MIEF1: variants seen among roughly 807,000 people sequenced by gnomAD.
MIEF1 encodes mitochondrial elongation factor 1, also known as mitochondrial dynamics protein MIEF1.
A neutral mutation model predicts 35.1 loss-of-function variants in MIEF1; 14 were observed. The ratio of observed to expected loss-of-function variants is 0.40; its 90% CI spans 0.26 to 0.62. MIEF1 has a LOEUF of 0.62. Among genes scored for constraint, MIEF1 ranks in the 20% least tolerant of loss-of-function variants. MIEF1 has a pLI of 0.43. For synonymous variants in MIEF1, 245 were observed against 254.3 expected (o/e 0.96, Z 0.35); for missense variants, 542 against 615.4 (o/e 0.88, Z 1.26).
At chr22:39,502,748 A>T (rs1929809421) in intron 1 of MIEF1, among the ~76,000 whole-genome samples, 1 of 152,228 alleles carries the variant, frequency 6.6e-6, no homozygotes, top group Non-Finnish European at 1.5e-5. Flanking sequence ...CCAGTCGCCC[A>T]GCGACCTTGT....
chr22:39,512,140 T>A, intron 4 of MIEF1, 92 bp from the exon 5 acceptor site: 2 of 1,560,074 alleles, frequency 1.3e-6, no homozygotes, highest in Non-Finnish European at 1.7e-6. Context: ...GCACTTGCCC[T>A]CCATGCCAGG....
Position 39,514,386 on chromosome 22 carries a change from G to C in MIEF1, c.*63G>C. On this transcript the variant is annotated 3_prime_UTR_variant, in exon 6 of 6. Transcript: ENST00000325301. ...CCTGGATTCTCCGTTAGATACACTT[G>C]GCTACCTAGTTGGTGCCTCACAGGG... 1.3e-6 allele frequency: 2 copies of C among 1,555,068 alleles called. No homozygotes were observed. Among genetic ancestry groups the C allele is most frequent in the South Asian group, 2.4e-5 (2 of 85,030 alleles).
rs1216087083 is a variant in MIEF1, at chr22:39,517,618, G to C, written c.*3295G>C. Reference sequence around the variant, plus strand: ...GAGCTCTCTGCCATGATACTTCCTTGGGACTGACTTGGCTGAGAACGTGTT... The same window carrying C: ...GAGCTCTCTGCCATGATACTTCCTTCGGACTGACTTGGCTGAGAACGTGTT... On this transcript the variant is annotated 3_prime_UTR_variant, in exon 6 of 6. Transcript: ENST00000325301. 8.5e-6 allele frequency: 4 copies of C among 471,002 alleles called. No homozygotes were observed. The highest frequency in any genetic ancestry group is 1.8e-5 in the Non-Finnish European group (4 of 227,028). 29.2% of individuals were successfully genotyped at this position (471,002 alleles called of 1,614,324 possible). A position where few individuals can be genotyped will look rare whatever the true frequency, so the allele number is the denominator to read the frequency against.
intron 2 of MIEF1, chr22:39,509,390 T>A (rs1219465494): frequency 6.6e-6 from 1 of 152,276 alleles, no homozygotes; most frequent in Non-Finnish European, 1.5e-5. Flanking sequence ...TATTCCGATC[T>A]GAATCACACT....
At chr22:39,511,245 T>C in intron 2 of MIEF1, 43 bp from the exon 3 acceptor site, 1 of 1,609,628 alleles carries the variant, frequency 6.2e-7, no homozygotes, top group African/African-American at 1.3e-5. Flanking sequence ...GGGAGGTTCT[T>C]GGGGTCCCAG....
In MIEF1 at chr22:39,515,589, G is replaced by A. The variant is rs1417670280; in HGVS notation, c.*1266G>A. On this transcript the variant is annotated 3_prime_UTR_variant, in exon 6 of 6. Transcript: ENST00000325301. ...GAGCACACAGATAAGACAGAGGGGA[G>A]GAGGTGGGCATTTCCTACATTCCTC... is the stretch of plus-strand genomic sequence containing the variant. The A allele has an allele frequency of 3.9e-6, 2 of 515,296 alleles. No homozygotes were observed. Among genetic ancestry groups the A allele is most frequent in the Non-Finnish European group, 3.4e-6 (1 of 291,574 alleles). 31.9% of individuals were successfully genotyped at this position (515,296 alleles called of 1,614,324 possible).
At position 39,514,055 on chromosome 22, in the gene MIEF1, C is replaced by T. The variant is rs749478962; in HGVS notation, c.1124C>T (p.Pro375Leu). The T allele has an allele frequency of 1.5e-5, 24 of 1,613,882 alleles. No homozygotes were observed. Among genetic ancestry groups the T allele is most frequent in the South Asian group, 8.8e-5 (8 of 91,094 alleles). ...KILKAICKST[P>L]ALGHLTASQL... ...CTCAAGGCCATATGCAAGTCCACCC[C>T]GGCTCTGGGCCACCTCACTGCCAGC... is the stretch of plus-strand genomic sequence containing the variant. Residue 375 changes from proline (P) to leucine (L), a missense_variant, in exon 6 of 6, where the codon CCG (proline) becomes CTG (leucine). Pro to Leu is a moderately conservative substitution (Grantham distance 98, BLOSUM62 -3). Transcript: ENST00000325301.
chr22:39,510,610 G>A (rs940176005), intron 2 of MIEF1, among the ~76,000 whole-genome samples: 1 of 152,202 alleles, frequency 6.6e-6, no homozygotes, highest in East Asian at 1.9e-4. Flanking sequence ...ACCTCCCTAT[G>A]TTGAGAACCT....
At position 39,517,869 on chromosome 22, in the gene MIEF1, T is replaced by C. The variant is rs1291271834; in HGVS notation, c.*3546T>C. ...TTGGATCACCTTGTAGTCTTTAAAT[T>C]CTTGGTCCCTGAGGCCAAGTCCACA... On this transcript the variant is annotated 3_prime_UTR_variant, in exon 6 of 6. Transcript: ENST00000325301. 2 of 238,448 alleles carry C rather than the reference T, an allele frequency of 8.4e-6. No individual in the cohort carries two copies. The highest frequency in any genetic ancestry group is 4.4e-5 in the South Asian group (1 of 22,498). The allele number at this position is 238,448 out of a possible 1,614,324, so 14.8% of individuals were successfully genotyped here.
chr22:39,513,476 C>A, intron 5 of MIEF1, 41 bp from the exon 6 acceptor site: 1 of 1,577,772 alleles, frequency 6.3e-7, no homozygotes, highest in South Asian at 1.1e-5. Flanking sequence ...GTCTTTTGAA[C>A]AGAGTAAACC....
At chr22:39,510,044 C>T (rs936504683) in intron 2 of MIEF1, among the ~76,000 whole-genome samples, 4 of 151,002 alleles carry the variant, frequency 2.6e-5, no homozygotes, top group African/African-American at 7.3e-5. Context: ...CTGCAACCTC[C>T]GCCTTCCGGG....
In MIEF1 at chr22:39,512,472, G is replaced by T; in HGVS notation, c.563G>T (p.Gly188Val). The change falls in exon 5 of 6, where the codon GGC becomes GTC. Residue 188 changes from glycine to valine, a missense_variant. Transcript: ENST00000325301. Reference sequence around the variant, plus strand: ...CCGCTTCGGGACATGTACTTGAGTGGCAGCCTCTACGATGACCTGCAGGTA... The same window carrying T: ...CCGCTTCGGGACATGTACTTGAGTGTCAGCCTCTACGATGACCTGCAGGTA... Reference protein sequence around the residue: ...DMPLRDMYLSGSLYDDLQVVT... With the variant: ...DMPLRDMYLSVSLYDDLQVVT... 1 of 1,613,038 alleles carries T rather than the reference G, an allele frequency of 6.2e-7. No individual in the cohort carries two copies. Among genetic ancestry groups the T allele is most frequent in the Non-Finnish European group, 8.5e-7 (1 of 1,179,444 alleles).
chr22:39,506,915 A>C (rs1348290757), intron 2 of MIEF1, among the ~76,000 whole-genome samples: 1 of 152,160 alleles, frequency 6.6e-6, no homozygotes, highest in African/African-American at 2.4e-5. Context: ...AAGTATATTC[A>C]CATTGTTGGG....
At chr22:39,503,314 A>T (rs1929849739) in intron 1 of MIEF1, 1 of 152,188 alleles carries the variant, frequency 6.6e-6, no homozygotes, top group Admixed American at 6.5e-5. Flanking sequence ...AGCTGACAGA[A>T]TGAGTTGTTA....
chr22:39,505,327 G>C (rs751371664), intron 2 of MIEF1, among the ~76,000 whole-genome samples: 1 of 152,220 alleles, frequency 6.6e-6, no homozygotes, highest in African/African-American at 2.4e-5. Flanking sequence ...TGGGACGCCA[G>C]GCATGTACCA....
rs117525912 is a variant in MIEF1, at chr22:39,517,451, C to T, written c.*3128C>T. 203 of 443,046 alleles carry T rather than the reference C, an allele frequency of 4.6e-4. 3 individuals carry two copies. The East Asian group carries it at 0.012, about 26-fold the overall frequency. 27.4% of individuals were successfully genotyped at this position (443,046 alleles called of 1,614,324 possible). A position where few individuals can be genotyped will look rare whatever the true frequency, so the allele number is the denominator to read the frequency against. On this transcript the variant is annotated 3_prime_UTR_variant, in exon 6 of 6. Coordinates refer to ENST00000325301, the MANE Select transcript of MIEF1 (RefSeq NM_019008.6). ...GTCCCGGCCACCTGTCCATATTCCA[C>T]ATTTGCTGACTGTGCTCCCTGCACT... is the stretch of plus-strand genomic sequence containing the variant.
chr22:39,514,737 T>G lies in MIEF1; in HGVS notation c.*414T>G. On this transcript the variant is annotated 3_prime_UTR_variant, in exon 6 of 6. Coordinates refer to ENST00000325301, the MANE Select transcript of MIEF1 (RefSeq NM_019008.6). ...CTCGTTCATGCCTTCTGTTTTGCTCTTGTCCCTGGAGCATATCTGCCTAAT... is the reference window on the plus strand; with the variant it reads ...CTCGTTCATGCCTTCTGTTTTGCTCGTGTCCCTGGAGCATATCTGCCTAAT... The G allele has an allele frequency of 7.8e-6, 2 of 254,984 alleles. No homozygotes were observed. Among genetic ancestry groups the G allele is most frequent in the Non-Finnish European group, 1.5e-5 (2 of 131,242 alleles). The allele number at this position is 254,984 out of a possible 1,614,324, so 15.8% of individuals were successfully genotyped here.
chr22:39,504,792 G>T (rs1465240651), intron 2 of MIEF1: 4 of 175,848 alleles, frequency 2.3e-5, no homozygotes, highest in Middle Eastern at 4.6e-3. Flanking sequence ...GGGGTGGGGG[G>T]GAAAAAAGAG....
intron 3 of MIEF1, among the ~76,000 whole-genome samples, 193 bp from the exon 4 acceptor site, chr22:39,511,656 G>A (rs738288): frequency 0.62 from 94,896 of 152,140 alleles, 30,393 homozygotes; most frequent in East Asian, 0.99. Flanking sequence ...GGGTCATGAC[G>A]TGGATTATCT....
Sources: allele counts gnomAD v4.1 joint callset (sites outside exome capture counted in the v4.1 genomes callset), GRCh38; gene constraint gnomAD v4.1.1; transcripts MANE v1.5; gene names NCBI Gene and HGNC (gene_info 2026-07-23, HGNC 2026-07-21).